Variants in ODF2L observed in about 807,000 individuals in gnomAD.
ODF2L encodes the protein protein BCAP.
In ODF2L, 76 loss-of-function variants were observed where a neutral mutation model predicts 86.3. That is an observed-to-expected ratio of 0.88 (90% confidence interval 0.73 to 1.07). ODF2L has a LOEUF of 1.07. Among genes scored for constraint, ODF2L ranks in the 50% least tolerant of loss-of-function variants. ODF2L has a pLI of 0.00. For synonymous variants in ODF2L, 241 were observed against 231.3 expected (o/e 1.04, Z -0.38); for missense variants, 748 against 717.4 (o/e 1.04, Z -0.49).
At chr1:86,396,082 C>G (rs1453087048) in exon 1 of ODF2L, 1 of 152,402 alleles carries the variant, frequency 6.6e-6, no homozygotes, top group Non-Finnish European at 1.5e-5. Flanking sequence ...CCGCCGTCGC[C>G]GCGATATAAA....
intron 2 of ODF2L, 131 bp downstream of exon 2, chr1:86,386,780 TAATA>T: frequency 2.0e-6 from 1 of 494,382 alleles, no homozygotes; most frequent in Non-Finnish European, 3.5e-6. Context: ...AAATATATTT[TAATA>T]AATAAATACT....
exon 15 of ODF2L, chr1:86,354,787 C>T (rs1200274454): frequency 2.5e-6 from 4 of 1,592,638 alleles, no homozygotes; most frequent in Non-Finnish European, 3.4e-6. Context: ...TGAAGGTTTT[C>T]ACACTTCAGC....
At chr1:86,372,206 A>G (rs974291312) in intron 9 of ODF2L, among the ~76,000 whole-genome samples, 4 of 149,534 alleles carry the variant, frequency 2.7e-5, no homozygotes, top group Admixed American at 2.7e-4. Flanking sequence ...AAAAAAAATT[A>G]AAAATGTGAA....
In ODF2L at chr1:86,368,809, C is replaced by T. The variant is rs1570388221; in HGVS notation, c.1057-87G>A. 11 of 1,144,302 alleles carry T rather than the reference C, an allele frequency of 9.6e-6. No homozygotes were observed. In the East Asian group the frequency reaches 3.1e-4, roughly 32 times the overall value. 70.9% of individuals were successfully genotyped at this position (1,144,302 alleles called of 1,614,324 possible). A position where few individuals can be genotyped will look rare whatever the true frequency, so the allele number is the denominator to read the frequency against. ...AAATGTTAAAAACATTGGGAATAAC[C>T]TGAATGTCCAACAAATAGGGAATCA... On this transcript the variant is annotated intron_variant, in intron 10 of 17. Coordinates refer to ENST00000317336, the Ensembl canonical transcript of ODF2L.
chr1:86,367,283 C>G (rs1035010212), intron 11 of ODF2L, among the ~76,000 whole-genome samples: 1 of 152,096 alleles, frequency 6.6e-6, no homozygotes, highest in African/African-American at 2.4e-5. Context: ...ACATGTAAGA[C>G]TATTTTAATG....
intron 17 of ODF2L, 103 bp downstream of exon 16, chr1:86,352,756 T>C (rs1269949269): frequency 3.0e-6 from 2 of 659,486 alleles, no homozygotes; most frequent in African/African-American, 1.9e-5. Context: ...TTTTTAATAT[T>C]ATCAGTAAAA....
At position 86,362,160 on chromosome 1, in the gene ODF2L, GGAA is replaced by G. The variant is rs376250625; in HGVS notation, c.1144-1627_1144-1625del. On this transcript the variant is annotated intron_variant, in intron 11 of 17. Coordinates refer to ENST00000317336, the Ensembl canonical transcript of ODF2L. ...GGGAAGAGTGGAAGGAGATGAGAGT[GGAA>G]GAAGAAGAGAGGTAATAGAAAATGA... Among the ~76,000 whole-genome samples, 5 of 152,038 alleles carry G rather than the reference GGAA, an allele frequency of 3.3e-5. No individual in the cohort carries two copies. In the East Asian group the frequency reaches 9.7e-4, roughly 29 times the overall value.
At chr1:86,369,399 C>T (rs143534464) in intron 10 of ODF2L, among the ~76,000 whole-genome samples, 3 of 152,132 alleles carry the variant, frequency 2.0e-5, no homozygotes, top group Admixed American at 6.6e-5. Flanking sequence ...CTTCCTATAA[C>T]GTATATCACT....
chr1:86,382,369 G>C lies in ODF2L; in HGVS notation c.508-11C>G, dbSNP rs187997915. ...TTTCAAAGTATTTGCCTGTAACAAA[G>C]AGAAAGAGAAAACCAAAAAAATCCA... is the stretch of plus-strand genomic sequence containing the variant. On this transcript the variant is annotated splice_polypyrimidine_tract_variant and intron_variant, in intron 6 of 17. Transcript: ENST00000317336. The C allele has an allele frequency of 3.7e-6, 6 of 1,607,492 alleles. No homozygotes were observed. In the Admixed American group the frequency reaches 5.1e-5, roughly 14 times the overall value.
At chr1:86,352,086 C>T (rs1658176536) in exon 18 of ODF2L, 1 of 1,399,616 alleles carries the variant, frequency 7.1e-7, no homozygotes, top group East Asian at 2.8e-5. Context: ...TGTCATGAAA[C>T]TTTTGATGGC....
At chr1:86,360,219 T>C (rs991408934) in intron 12 of ODF2L, among the ~76,000 whole-genome samples, 1 of 152,184 alleles carries the variant, frequency 6.6e-6, no homozygotes. Context: ...ATCCAGTATA[T>C]CCATATGCAG....
chr1:86,349,107 T>C (rs1657958763), downstream of ODF2L: 1 of 251,514 alleles, frequency 4.0e-6, no homozygotes, highest in Non-Finnish European at 7.2e-6. Flanking sequence ...TACATTCATT[T>C]AGCCCCAAAT....
intron 4 of ODF2L, 42 bp downstream of exon 4, chr1:86,384,634 A>T: frequency 8.1e-7 from 1 of 1,231,868 alleles, no homozygotes; most frequent in Non-Finnish European, 1.1e-6. Context: ...TTCAAATGAG[A>T]AATATCACTA....
At chr1:86,348,980 C>A (rs1657947895), downstream of ODF2L, 8 of 1,235,718 alleles carry the variant, frequency 6.5e-6, no homozygotes, top group African/African-American at 1.6e-5. Context: ...CTAGATAATT[C>A]TTTTTGATTT....
chr1:86,375,828 G>A (rs1366703893), intron 8 of ODF2L, among the ~76,000 whole-genome samples: 2 of 152,066 alleles, frequency 1.3e-5, no homozygotes, highest in Non-Finnish European at 2.9e-5. Flanking sequence ...AAAAAGTGTG[G>A]GAAACTCTTA....
At position 86,352,844 on chromosome 1, in the gene ODF2L, C is replaced by T. The variant is rs537693040; in HGVS notation, c.1893+15G>A. On this transcript the variant is annotated intron_variant, in intron 17 of 17. Transcript: ENST00000317336. ...TGTTATCTTTTATAATATGTTAAGCCATGCTAATACTTACACTGTTCATTT... is the reference window on the plus strand; with the variant it reads ...TGTTATCTTTTATAATATGTTAAGCTATGCTAATACTTACACTGTTCATTT... 3.5e-6 allele frequency: 5 copies of T among 1,442,248 alleles called. No homozygotes were observed. The highest frequency in any genetic ancestry group is 1.8e-4 in the Middle Eastern group (1 of 5,578). 89.3% of individuals were successfully genotyped at this position (1,442,248 alleles called of 1,614,324 possible).
chr1:86,368,727 A>G, intron 10 of ODF2L: 1 of 1,424,964 alleles, frequency 7.0e-7, no homozygotes, highest in Non-Finnish European at 9.3e-7. Flanking sequence ...TCTAAGCTAA[A>G]GACAATACAA....
At chr1:86,368,567 CA>C in intron 11 of ODF2L, 1 of 1,251,106 alleles carries the variant, frequency 8.0e-7, no homozygotes, top group Non-Finnish European at 1.0e-6. Flanking sequence ...CACTACAAAT[CA>C]AAAACACATT....
intron 6 of ODF2L, 83 bp downstream of exon 6, chr1:86,382,848 G>A: frequency 1.4e-6 from 1 of 730,602 alleles, no homozygotes; most frequent in Non-Finnish European, 2.5e-6. Flanking sequence ...GTTTATTTCT[G>A]AGGAGTTGGG....
Sources: allele counts gnomAD v4.1 joint callset (sites outside exome capture counted in the v4.1 genomes callset), GRCh38; gene constraint gnomAD v4.1.1; transcripts MANE v1.5; gene names NCBI Gene and HGNC (gene_info 2026-07-23, HGNC 2026-07-21).